SMYD3: variants seen among roughly 807,000 people sequenced by gnomAD.
The protein encoded by SMYD3 is SET and MYND domain containing 3, also known as histone-lysine N-methyltransferase SMYD3.
A neutral mutation model predicts 57.7 loss-of-function variants in SMYD3; 36 were observed. That is an observed-to-expected ratio of 0.62 (90% CI 0.48 to 0.82). The LOEUF (loss-of-function observed/expected upper bound fraction) is 0.82. SMYD3 is among the 40% of genes least tolerant of loss of function. The pLI is 0.00. For missense variants in SMYD3, 515 were observed against 538.8 expected (o/e 0.96, Z 0.44); for synonymous variants, 211 against 195.0 (o/e 1.08, Z -0.68).
At chr1:246,212,369 G>A (rs994509014) in intron 5 of SMYD3, among the ~76,000 whole-genome samples, 2 of 151,984 alleles carry the variant, frequency 1.3e-5, no homozygotes, top group Admixed American at 6.6e-5. Context: ...TGATAAATGA[G>A]TACCATTAGG....
chr1:245,838,360 A>G (rs1445948881), intron 10 of SMYD3, among the ~76,000 whole-genome samples: 3 of 152,190 alleles, frequency 2.0e-5, no homozygotes, highest in African/African-American at 4.8e-5. Flanking sequence ...TCCTGGGAAT[A>G]GGCATCAGTT....
chr1:245,817,247 C>G (rs1041560500), intron 10 of SMYD3, among the ~76,000 whole-genome samples: 3 of 144,600 alleles, frequency 2.1e-5, no homozygotes, highest in African/African-American at 5.2e-5. Flanking sequence ...CCCCTGACCC[C>G]CGAGCAGCCT....
chr1:246,235,388 G>C (rs1469407690), intron 5 of SMYD3, among the ~76,000 whole-genome samples: 1 of 152,136 alleles, frequency 6.6e-6, no homozygotes, highest in Admixed American at 6.5e-5. Context: ...TGTTGCAAAA[G>C]TGTTATTCAT....
chr1:245,876,439 C>A (rs1387195861), intron 8 of SMYD3, among the ~76,000 whole-genome samples: 2 of 152,210 alleles, frequency 1.3e-5, no homozygotes, highest in African/African-American at 2.4e-5. Context: ...GCCTTTGCCG[C>A]CTCAGCCATT....
At chr1:246,172,830 T>C (rs1054757041) in intron 5 of SMYD3, among the ~76,000 whole-genome samples, 5 of 149,518 alleles carry the variant, frequency 3.3e-5, no homozygotes, top group African/African-American at 1.2e-4. Flanking sequence ...GAACACTCAC[T>C]GTACTCTACT....
chr1:245,781,679 C>T (rs2046831964), intron 10 of SMYD3, among the ~76,000 whole-genome samples: 1 of 152,138 alleles, frequency 6.6e-6, no homozygotes, highest in Non-Finnish European at 1.5e-5. Flanking sequence ...CCATAGCGAC[C>T]ATTAAAGAAA....
chr1:246,008,021 C>T (rs1167410557), intron 5 of SMYD3, among the ~76,000 whole-genome samples: 2 of 152,146 alleles, frequency 1.3e-5, no homozygotes, highest in Non-Finnish European at 2.9e-5. Flanking sequence ...TAGTCCCTAC[C>T]ATAGGGGCTT....
At chr1:245,845,488 T>C (rs993385411) in intron 10 of SMYD3, among the ~76,000 whole-genome samples, 10 of 152,164 alleles carry the variant, frequency 6.6e-5, no homozygotes, top group African/African-American at 2.2e-4. Flanking sequence ...AGAACCTCCA[T>C]AGAGTATGTC....
intron 5 of SMYD3, among the ~76,000 whole-genome samples, chr1:245,999,148 A>G (rs2058988057): frequency 6.6e-6 from 1 of 152,134 alleles, no homozygotes; most frequent in Non-Finnish European, 1.5e-5. Context: ...TTTATGTTAG[A>G]TATATTTTAC....
intron 1 of SMYD3, among the ~76,000 whole-genome samples, chr1:246,444,328 G>A (rs376149205): frequency 6.6e-6 from 1 of 152,154 alleles, no homozygotes; most frequent in African/African-American, 2.4e-5. Context: ...GTTTCACCAT[G>A]TTGGCCAGAC....
In SMYD3 at chr1:245,878,392, G is replaced by C. The variant is rs1016194220; in HGVS notation, c.814-14506C>G. ...GGGGGGCGAGGTCCACGAGGAGGCA[G>C]AGGGTAGGGTCAAGAGCACAGGTGG... On this transcript the variant is annotated intron_variant, in intron 8 of 11. Coordinates refer to ENST00000490107, the MANE Select transcript of SMYD3 (RefSeq NM_001167740.2). Among the ~76,000 whole-genome samples, 3 of 152,204 alleles carry C rather than the reference G, an allele frequency of 2.0e-5. No homozygotes were observed. In the East Asian group the frequency reaches 5.8e-4, roughly 29 times the overall value.
chr1:245,815,327 A>T (rs1208678381), intron 10 of SMYD3, among the ~76,000 whole-genome samples: 1 of 152,234 alleles, frequency 6.6e-6, no homozygotes, highest in Non-Finnish European at 1.5e-5. Flanking sequence ...CTTGCCTCTC[A>T]TTCAGGGGTG....
chr1:246,169,696 G>A (rs911132666), intron 5 of SMYD3, among the ~76,000 whole-genome samples: 9 of 152,054 alleles, frequency 5.9e-5, no homozygotes, highest in African/African-American at 1.2e-4. Flanking sequence ...CTTAGGTCAG[G>A]AGTTTGAGAC....
chr1:246,049,949 G>A (rs555653186), intron 5 of SMYD3, among the ~76,000 whole-genome samples: 16 of 152,084 alleles, frequency 1.1e-4, no homozygotes, highest in South Asian at 6.3e-4. Flanking sequence ...TTCAATAGAC[G>A]TAGTAAATAC....
intron 1 of SMYD3, among the ~76,000 whole-genome samples, chr1:246,381,583 G>A (rs559513620): frequency 1.3e-5 from 2 of 152,292 alleles, no homozygotes; most frequent in Admixed American, 6.5e-5. Flanking sequence ...TGTACTGGAG[G>A]CAACAAGGAC....
At position 245,786,607 on chromosome 1, in the gene SMYD3, C is replaced by A. The variant is rs74420495; in HGVS notation, c.1077-22458G>T. On this transcript the variant is annotated intron_variant, in intron 10 of 11. Coordinates refer to ENST00000490107, the MANE Select transcript of SMYD3 (RefSeq NM_001167740.2). ...AAATATTTCCAATCAATGCAAGAAC[C>A]CTAACACACTCTGAGACCACTGAGT... Among the ~76,000 whole-genome samples, 319 of 152,026 alleles carry A rather than the reference C, an allele frequency of 2.1e-3. 2 individuals carry two copies. Among genetic ancestry groups the A allele is most frequent in the African/African-American group, 7.2e-3 (299 of 41,468 alleles).
chr1:246,463,660 A>C (rs4654112), intron 1 of SMYD3, among the ~76,000 whole-genome samples: 1 of 93,036 alleles, frequency 1.1e-5, no homozygotes, highest in Non-Finnish European at 2.1e-5. Flanking sequence ...TACTAAAAAT[A>C]CAAAAAAAAA....
At chr1:245,824,360 A>C (rs2049350839) in intron 10 of SMYD3, among the ~76,000 whole-genome samples, 1 of 152,270 alleles carries the variant, frequency 6.6e-6, no homozygotes, top group African/African-American at 2.4e-5. Context: ...TGATTGGATG[A>C]AACGACACAT....
intron 2 of SMYD3, among the ~76,000 whole-genome samples, chr1:246,346,058 G>T (rs990283083): frequency 6.6e-6 from 1 of 152,202 alleles, no homozygotes; most frequent in African/African-American, 2.4e-5. Context: ...GCCAAGGGGG[G>T]TGGATCAAGA....
Sources: gnomAD v4.1 joint callset for allele counts (sites outside exome capture counted in the v4.1 genomes callset) on GRCh38, gnomAD v4.1.1 for gene constraint, MANE v1.5 for transcripts, NCBI Gene and HGNC (gene_info 2026-07-23, HGNC 2026-07-21) for gene names.